CD99L2: variants seen among roughly 807,000 people sequenced by gnomAD.
CD99L2 encodes the protein CD99 antigen-like protein 2.
CD99L2 carries 24 observed loss-of-function variants against 27.3 expected under a neutral mutation model. The observed-to-expected ratio is 0.88, with a 90% confidence interval of 0.64 to 1.24. The LOEUF (loss-of-function observed/expected upper bound fraction) is 1.24, where lower values mean the gene tolerates loss of function less well. CD99L2 is among the 50% of genes most tolerant of loss of function. CD99L2 has a pLI of 0.00. For synonymous variants in CD99L2, 97 were observed against 87.9 expected (o/e 1.10, Z -0.58); for missense variants, 255 against 221.6 (o/e 1.15, Z -0.96).
At chrX:150,898,207 A>G (rs1158872588) in intron 1 of CD99L2, among the ~76,000 whole-genome samples, 2 of 111,294 alleles carry the variant, frequency 1.8e-5, no homozygotes, top group Non-Finnish European at 3.8e-5. Flanking sequence ...TCTCAAAGGT[A>G]AACTCTTGGG....
chrX:150,878,807 T>C (rs1284068621), intron 1 of CD99L2, among the ~76,000 whole-genome samples: 1 of 112,041 alleles, frequency 8.9e-6, no homozygotes, highest in Non-Finnish European at 1.9e-5. Context: ...AGTACACATA[T>C]GACCCAGCTC....
At chrX:150,852,460 G>A (rs782774824) in intron 1 of CD99L2, among the ~76,000 whole-genome samples, 1 of 109,651 alleles carries the variant, frequency 9.1e-6, no homozygotes, top group South Asian at 4.0e-4. Flanking sequence ...ATTCTGCTTG[G>A]GCACCTCAGA....
In CD99L2 at chrX:150,847,642, G is replaced by A. The variant is rs1557421491; in HGVS notation, c.68-16349C>T. ...TCAAATCACTCCTCAGTATCTCACA[G>A]CCAGCTCCCACTCAGAATCCACAAA... is the stretch of plus-strand genomic sequence containing the variant. On this transcript the variant is annotated intron_variant, in intron 1 of 10. Transcript: ENST00000370377. 2.7e-5 allele frequency among the ~76,000 whole-genome samples: 3 copies of A among 109,525 alleles called. No individual in the cohort carries two copies. In the Admixed American group the frequency reaches 3.0e-4, roughly 11 times the overall value.
intron 9 of CD99L2, among the ~76,000 whole-genome samples, chrX:150,771,487 G>A (rs1332099716): frequency 8.9e-6 from 1 of 111,927 alleles, no homozygotes; most frequent in African/African-American, 3.3e-5. Context: ...CCCAGTGGGC[G>A]CTGGATCGTC....
chrX:150,824,873 A>G (rs1411654958), intron 2 of CD99L2, among the ~76,000 whole-genome samples: 1 of 111,896 alleles, frequency 8.9e-6, no homozygotes, highest in East Asian at 2.8e-4. Flanking sequence ...GAATATGGGA[A>G]GTCTTTCCCT....
chrX:150,782,980 T>C (rs1216916229), intron 7 of CD99L2, among the ~76,000 whole-genome samples: 1 of 110,135 alleles, frequency 9.1e-6, no homozygotes, highest in Non-Finnish European at 1.9e-5. Context: ...CCCAAGAGGG[T>C]AAATGGATAG....
At position 150,864,631 on chromosome X, in the gene CD99L2, C is replaced by T. The variant is rs994331125; in HGVS notation, c.68-33338G>A. Among the ~76,000 whole-genome samples, 4 of 111,992 alleles carry T rather than the reference C, an allele frequency of 3.6e-5. No homozygotes were observed. In the Admixed American group the frequency reaches 3.8e-4, roughly 11 times the overall value. ...ACACTTTGGGTGTCACACCCTAGGA[C>T]AATTGGAAGCAACAAAGCAGATATA... On this transcript the variant is annotated intron_variant, in intron 1 of 10. Coordinates refer to ENST00000370377, the MANE Select transcript of CD99L2 (RefSeq NM_031462.4).
Position 150,854,723 on chromosome X carries a change from TTC to T in CD99L2, c.68-23432_68-23431del, listed in dbSNP as rs2046844104. The stretch of plus-strand genomic sequence containing the variant: ...GCTCAGAAGAGCGGCCTGGAACAGA[TTC>T]TGTCTCACAACCCTCAGAAGGAACC... On this transcript the variant is annotated intron_variant, in intron 1 of 10. Coordinates refer to ENST00000370377, the MANE Select transcript of CD99L2 (RefSeq NM_031462.4). Among the ~76,000 whole-genome samples the T allele has an allele frequency of 1.1e-4, 12 of 110,753 alleles. No individual in the cohort carries two copies. In the South Asian group the frequency reaches 4.7e-3, roughly 44 times the overall value.
intron 1 of CD99L2, among the ~76,000 whole-genome samples, chrX:150,892,500 G>C (rs1569566180): frequency 9.5e-6 from 1 of 105,224 alleles, no homozygotes; most frequent in Non-Finnish European, 1.9e-5. Context: ...CAGCTACTAG[G>C]GAGGCTGAGG....
intron 2 of CD99L2, among the ~76,000 whole-genome samples, chrX:150,824,177 A>AGG (rs1569565998): frequency 2.8e-3 from 35 of 12,438 alleles, no homozygotes; most frequent in East Asian, 8.8e-3. Context: ...GGAGGAGGAG[A>AGG]AGGAGGAGGA....
chrX:150,894,712 C>T (rs888223204), intron 1 of CD99L2, among the ~76,000 whole-genome samples: 1 of 110,581 alleles, frequency 9.0e-6, no homozygotes, highest in African/African-American at 3.3e-5. Flanking sequence ...CTCAGCCTCC[C>T]GAGTAGCTGG....
chrX:150,778,981 C>T (rs1340386288), intron 7 of CD99L2, among the ~76,000 whole-genome samples: 1 of 111,457 alleles, frequency 9.0e-6, no homozygotes, highest in Non-Finnish European at 1.9e-5. Context: ...AGGTGGCTGT[C>T]GTGATGGCAT....
chrX:150,825,362 T>C (rs1569566018), intron 2 of CD99L2, among the ~76,000 whole-genome samples: 1 of 112,433 alleles, frequency 8.9e-6, no homozygotes, highest in East Asian at 2.8e-4. Flanking sequence ...CTCAATTCTA[T>C]TCCATTGACC....
intron 1 of CD99L2, among the ~76,000 whole-genome samples, chrX:150,837,628 T>C (rs782479532): frequency 4.5e-5 from 5 of 112,349 alleles, no homozygotes; most frequent in Non-Finnish European, 9.4e-5. Context: ...CCAGTGGCTA[T>C]GGCTGGAATA....
At chrX:150,866,210 T>C (rs1557422030) in intron 1 of CD99L2, among the ~76,000 whole-genome samples, 1 of 111,554 alleles carries the variant, frequency 9.0e-6, no homozygotes, top group African/African-American at 3.3e-5. Context: ...AACTGTGCTC[T>C]TGGAATTCTT....
chrX:150,798,884 G>A lies in CD99L2; in HGVS notation c.278-3398C>T, dbSNP rs782045485. ...TCTTATCTTAGCCTTCTGAGTAGCT[G>A]GGACTACAGGCGTGCACCACCATGC... On this transcript the variant is annotated intron_variant, in intron 4 of 10. Coordinates refer to ENST00000370377, the MANE Select transcript of CD99L2 (RefSeq NM_031462.4). 1.6e-4 allele frequency among the ~76,000 whole-genome samples: 18 copies of A among 111,977 alleles called. No individual in the cohort carries two copies. The South Asian group carries it at 4.9e-3, about 30-fold the overall frequency.
At chrX:150,835,464 A>C (rs1419221053) in intron 1 of CD99L2, among the ~76,000 whole-genome samples, 2 of 112,005 alleles carry the variant, frequency 1.8e-5, no homozygotes, top group Non-Finnish European at 3.8e-5. Context: ...TAGGAGTTTG[A>C]GGTTACAGTG....
chrX:150,830,426 C>T (rs1557421031), intron 2 of CD99L2, among the ~76,000 whole-genome samples: 1 of 110,665 alleles, frequency 9.0e-6, no homozygotes, highest in Non-Finnish European at 1.9e-5. Flanking sequence ...GTAGCACACA[C>T]CTATAGTTCC....
chrX:150,832,877 G>A (rs1164698739), intron 1 of CD99L2, among the ~76,000 whole-genome samples: 2 of 110,510 alleles, frequency 1.8e-5, no homozygotes, highest in African/African-American at 6.6e-5. Flanking sequence ...GTGAAAACCC[G>A]TCTCTACTAA....
Sources: gnomAD v4.1 joint callset for allele counts (sites outside exome capture counted in the v4.1 genomes callset) on GRCh38, gnomAD v4.1.1 for gene constraint, MANE v1.5 for transcripts, NCBI Gene and HGNC (gene_info 2026-07-23, HGNC 2026-07-21) for gene names.